The following RERE variants were observed in gnomAD, a reference collection of about 807,000 sequenced individuals.
The protein encoded by RERE is arginine-glutamic acid dipeptide repeats protein.
RERE carries 40 observed loss-of-function variants against 146.1 expected under a neutral mutation model. The ratio of observed to expected loss-of-function variants is 0.27; its 90% CI spans 0.21 to 0.36. The LOEUF (loss-of-function observed/expected upper bound fraction) is 0.36. RERE is among the 10% of genes least tolerant of loss of function. RERE has a pLI of 1.00. For missense variants in RERE, 1,933 were observed against 2,138.7 expected (o/e 0.90, Z 1.90); for synonymous variants, 1,003 against 866.0 (o/e 1.16, Z -2.78).
intron 1 of RERE, among the ~76,000 whole-genome samples, chr1:8,697,786 T>C (rs1315773730): frequency 6.6e-6 from 1 of 152,178 alleles, no homozygotes; most frequent in Non-Finnish European, 1.5e-5. Context: ...ACTAAGCAAA[T>C]GAACAGTAGT....
intron 4 of RERE, among the ~76,000 whole-genome samples, chr1:8,605,969 A>G (rs540020179): frequency 2.5e-4 from 37 of 150,316 alleles, no homozygotes; most frequent in African/African-American, 9.0e-4. Flanking sequence ...CTCAGCCCTA[A>G]AAGTAGCAGA....
intron 12 of RERE, among the ~76,000 whole-genome samples, chr1:8,378,953 T>C (rs1642354950): frequency 6.6e-6 from 1 of 152,224 alleles, no homozygotes; most frequent in East Asian, 1.9e-4. Flanking sequence ...TAGAGTAATG[T>C]GGGAAACAGC....
chr1:8,557,463 C>T lies in RERE; in HGVS notation c.583G>A (p.Asp195Asn). 1 of 1,613,576 alleles carries T rather than the reference C, an allele frequency of 6.2e-7. No individual in the cohort carries two copies. Among genetic ancestry groups the T allele is most frequent in the Non-Finnish European group, 8.5e-7 (1 of 1,179,472 alleles). ...TGAACCAAATGCTGATACACAGAAT[C>T]TGGAACCTCAGATTGACGGTAGTAC... ...KWYYRQSEVP[D>N]SVYQHLVQDR... Residue 195 changes from aspartate to asparagine, a missense_variant, in exon 5 of 23, where the codon GAT becomes AAT. Coordinates refer to ENST00000400908, the MANE Select transcript of RERE (RefSeq NM_001042681.2).
intron 7 of RERE, among the ~76,000 whole-genome samples, chr1:8,531,672 T>C (rs940720567): frequency 3.3e-5 from 5 of 152,244 alleles, no homozygotes; most frequent in Non-Finnish European, 7.3e-5. Context: ...CCTTTAACTA[T>C]GGTGCTTGCT....
intron 4 of RERE, among the ~76,000 whole-genome samples, chr1:8,583,232 C>G (rs192584801): frequency 6.6e-6 from 1 of 152,162 alleles, no homozygotes; most frequent in Non-Finnish European, 1.5e-5. Flanking sequence ...TTAATCCCCA[C>G]ACAAAAACAG....
At position 8,360,257 on chromosome 1, in the gene RERE, A is replaced by C. The variant is rs1570032839; in HGVS notation, c.3250T>G (p.Ser1084Ala). 3 of 1,564,044 alleles carry C rather than the reference A, an allele frequency of 1.9e-6. No homozygotes were observed. Among genetic ancestry groups the C allele is most frequent in the East Asian group, 2.4e-5 (1 of 42,386 alleles). Reference sequence around the variant, plus strand: ...TGGACGGTGGGGAGTGGGCAGGACGACCCCCCCGCTATGCTGCCTCCTGAA... The same window carrying C: ...TGGACGGTGGGGAGTGGGCAGGACGCCCCCCCCGCTATGCTGCCTCCTGAA... ...AASGGSIAGG[S>A]SCPLPTVQIK... The change falls in exon 18 of 23, where the codon TCG becomes GCG. Residue 1084 changes from serine (S) to alanine (A), a missense_variant. Physicochemically the swap from Ser to Ala is moderately conservative, Grantham distance 99. Coordinates refer to ENST00000400908, the MANE Select transcript of RERE (RefSeq NM_001042681.2).
At chr1:8,381,352 G>A (rs1283476724) in intron 12 of RERE, among the ~76,000 whole-genome samples, 1 of 152,122 alleles carries the variant, frequency 6.6e-6, no homozygotes, top group African/African-American at 2.4e-5. Context: ...GACACAAGAT[G>A]GGTGCTCGGG....
chr1:8,552,263 G>A (rs1645944494), intron 6 of RERE, among the ~76,000 whole-genome samples: 1 of 152,210 alleles, frequency 6.6e-6, no homozygotes, highest in South Asian at 2.1e-4. Context: ...TCTAGCACCA[G>A]CTTGAAAGCA....
intron 1 of RERE, among the ~76,000 whole-genome samples, chr1:8,686,706 C>T (rs1183939941): frequency 1.3e-5 from 2 of 152,046 alleles, no homozygotes; most frequent in South Asian, 2.1e-4. Context: ...ACTGAGATTA[C>T]GCCATTGTAC....
chr1:8,371,548 G>A (rs1557594823), intron 12 of RERE, among the ~76,000 whole-genome samples: 2 of 152,156 alleles, frequency 1.3e-5, no homozygotes, highest in South Asian at 2.1e-4. Context: ...TGGGCCTAGC[G>A]GAGGGACAGC....
At chr1:8,767,975 T>C (rs2124541329) in intron 1 of RERE, among the ~76,000 whole-genome samples, 1 of 151,660 alleles carries the variant, frequency 6.6e-6, no homozygotes, top group African/African-American at 2.4e-5. Context: ...CCAAATATAA[T>C]ATAATAATAA....
chr1:8,644,744 A>C (rs1330251962), intron 2 of RERE, among the ~76,000 whole-genome samples: 1 of 151,978 alleles, frequency 6.6e-6, no homozygotes, highest in Non-Finnish European at 1.5e-5. Flanking sequence ...GATCCTGCCA[A>C]CTCAGTCTCC....
intron 12 of RERE, among the ~76,000 whole-genome samples, chr1:8,370,182 G>T (rs952507667): frequency 2.0e-5 from 3 of 152,056 alleles, no homozygotes; most frequent in Non-Finnish European, 4.4e-5. Context: ...CACATTCACT[G>T]GACTACAACT....
chr1:8,559,807 T>C (rs951092651), intron 4 of RERE, among the ~76,000 whole-genome samples: 3 of 152,206 alleles, frequency 2.0e-5, no homozygotes, highest in African/African-American at 7.2e-5. Context: ...TGACTCTGTC[T>C]GGCCTTTAGT....
rs891937909 is a variant in RERE, at chr1:8,352,868, C to T, written c.*2219G>A. 6.6e-6 allele frequency: 1 copy of T among 152,522 alleles called. No individual in the cohort carries two copies. Among genetic ancestry groups the T allele is most frequent in the Admixed American group, 6.5e-5 (1 of 15,268 alleles). 9.4% of individuals were successfully genotyped at this position (152,522 alleles called of 1,614,324 possible). On this transcript the variant is annotated 3_prime_UTR_variant, in exon 23 of 23. Transcript: ENST00000400908. ...AAAGCAAAGCTAACAAGAATGCCTT[C>T]GGACGGCTTTCAAGCACAGACCTCA...
chr1:8,706,793 T>A lies in RERE; in HGVS notation c.-144-50352A>T, dbSNP rs1639569152. Among the ~76,000 whole-genome samples the A allele has an allele frequency of 3.9e-5, 6 of 152,322 alleles. No homozygotes were observed. The South Asian group carries it at 1.2e-3, about 32-fold the overall frequency. On this transcript the variant is annotated intron_variant, in intron 1 of 22. Transcript: ENST00000400908. ...AGGAACTCAATGGTGGGTGTACTCCTCAAAGTGAAACATTTGTTTTAACCC... is the reference window on the plus strand; with the variant it reads ...AGGAACTCAATGGTGGGTGTACTCCACAAAGTGAAACATTTGTTTTAACCC...
At chr1:8,736,397 C>T (rs1431837855) in intron 1 of RERE, among the ~76,000 whole-genome samples, 1 of 152,002 alleles carries the variant, frequency 6.6e-6, no homozygotes. Context: ...TTAGTAGAGA[C>T]GGGGTTTCAC....
chr1:8,747,051 G>A lies in RERE; in HGVS notation c.-145+70109C>T, dbSNP rs565675127. ...TTTTGAGACGGAGTCTCGCTCTGTCGCCCAGGCTGGAGCGATCTTGGCTCA... is the reference window on the plus strand; with the variant it reads ...TTTTGAGACGGAGTCTCGCTCTGTCACCCAGGCTGGAGCGATCTTGGCTCA... On this transcript the variant is annotated intron_variant, in intron 1 of 22. Transcript: ENST00000400908. Among the ~76,000 whole-genome samples the A allele has an allele frequency of 2.1e-4, 32 of 151,432 alleles. 1 individual carries two copies. The highest frequency in any genetic ancestry group is 7.3e-4 in the African/African-American group (30 of 41,364).
intron 1 of RERE, among the ~76,000 whole-genome samples, chr1:8,771,016 T>C (rs1041060680): frequency 2.3e-4 from 35 of 152,074 alleles, no homozygotes; most frequent in African/African-American, 8.5e-4. Flanking sequence ...GATTAAAAAG[T>C]GGGTCTCAGT....
Sources: gnomAD v4.1 joint callset for allele counts (sites outside exome capture counted in the v4.1 genomes callset) on GRCh38, gnomAD v4.1.1 for gene constraint, MANE v1.5 for transcripts, NCBI Gene and HGNC (gene_info 2026-07-23, HGNC 2026-07-21) for gene names.